WNK3: variants seen among roughly 807,000 people sequenced by gnomAD.
WNK3 encodes the protein WNK lysine deficient protein kinase 3, also known as serine/threonine-protein kinase WNK3.
In WNK3, 18 loss-of-function variants were observed where a neutral mutation model predicts 116.7. The observed-to-expected ratio is 0.15, with a 90% CI of 0.11 to 0.23. The LOEUF (loss-of-function observed/expected upper bound fraction) is 0.23, where lower values mean the gene tolerates loss of function less well. Ranked by LOEUF, WNK3 falls within the 10% of genes least tolerant of loss-of-function variation. The probability of loss-of-function intolerance (pLI) is 1.00; values close to 1 mark genes in which losing one functional copy is unlikely to be tolerated. For synonymous variants in WNK3, 404 were observed against 469.4 expected, an observed-to-expected ratio of 0.86 and a Z score of 1.80; for missense variants, 993 against 1,323.8, an observed-to-expected ratio of 0.75 and a Z score of 3.88.
intron 11 of WNK3, among the ~76,000 whole-genome samples, chrX:54,258,298 G>C (rs868979548): frequency 1.1e-5 from 1 of 93,809 alleles, no homozygotes; most frequent in Non-Finnish European, 2.1e-5. Context: ...AAAAAAAAAA[G>C]AACAAGATGA....
At chrX:54,356,313 CTTTAGTGGATTT>C (rs2069592977) in intron 1 of WNK3, among the ~76,000 whole-genome samples, 1 of 111,123 alleles carries the variant, frequency 9.0e-6, no homozygotes, top group African/African-American at 3.3e-5. Flanking sequence ...TCAAAGTCAG[CTTTAGTGGATTT>C]TTTAAGACAG....
chrX:54,231,007 T>C (rs1000010948), intron 21 of WNK3, among the ~76,000 whole-genome samples: 5 of 112,604 alleles, frequency 4.4e-5, no homozygotes, highest in Non-Finnish European at 9.4e-5. Context: ...CAGTCAAATT[T>C]TCTGTCCCTG....
exon 24 of WNK3, chrX:54,198,500 T>C (rs782504607): frequency 1.3e-5 from 16 of 1,207,585 alleles, no homozygotes; most frequent in Admixed American, 2.2e-5. Flanking sequence ...GCCACAGCAT[T>C]ATACTGACAA....
intron 1 of WNK3, among the ~76,000 whole-genome samples, chrX:54,344,269 C>T (rs1270707582): frequency 9.1e-6 from 1 of 110,009 alleles, no homozygotes; most frequent in Admixed American, 9.8e-5. Flanking sequence ...CGATGAAACC[C>T]CGTCTCTACT....
exon 2 of WNK3, chrX:54,333,448 G>C: frequency 2.5e-6 from 3 of 1,210,888 alleles, no homozygotes; most frequent in Non-Finnish European, 3.4e-6. Flanking sequence ...TCATCTTTGG[G>C]GGATGATTCG....
chrX:54,333,525 C>T, exon 2 of WNK3: 1 of 1,211,483 alleles, frequency 8.3e-7, no homozygotes, highest in Admixed American at 2.2e-5. Flanking sequence ...TACAGTTTCC[C>T]CAGAAGCAGA....
chrX:54,314,294 G>A (rs2068926117), intron 2 of WNK3, among the ~76,000 whole-genome samples: 1 of 109,608 alleles, frequency 9.1e-6, no homozygotes, highest in South Asian at 3.9e-4. Flanking sequence ...CTTTAAGTAT[G>A]ATTTTAGTAA....
chrX:54,320,245 T>C (rs1440973330), intron 2 of WNK3, among the ~76,000 whole-genome samples: 1 of 111,624 alleles, frequency 9.0e-6, no homozygotes, highest in Non-Finnish European at 1.9e-5. Flanking sequence ...ACAATACCAG[T>C]ATGACCAACC....
At chrX:54,270,380 G>A (rs1276557350) in intron 10 of WNK3, among the ~76,000 whole-genome samples, 10 of 106,987 alleles carry the variant, frequency 9.3e-5, no homozygotes, top group African/African-American at 3.4e-4. Context: ...TTACAGGCGT[G>A]AGCCACAGCG....
chrX:54,260,480 C>T (rs1293831062), intron 10 of WNK3, among the ~76,000 whole-genome samples: 3 of 111,456 alleles, frequency 2.7e-5, no homozygotes, highest in Non-Finnish European at 5.6e-5. Flanking sequence ...AGCTACTATA[C>T]AATAATATGG....
Position 54,237,556 on chromosome X carries a change from G to A in WNK3, c.4015-5C>T. On this transcript the variant is annotated splice_region_variant and splice_polypyrimidine_tract_variant and intron_variant, in intron 19 of 23. Transcript: ENST00000354646. ...CTGCTGAGGAATTGTAATCACCTGA[G>A]ATATAAAAACGTAAAAGTGGTTAGC... 8.7e-7 allele frequency: 1 copy of A among 1,152,867 alleles called. No homozygotes were observed. Among genetic ancestry groups the A allele is most frequent in the Non-Finnish European group, 1.1e-6 (1 of 877,471 alleles).
chrX:54,230,010 T>C (rs2067883274), intron 21 of WNK3, among the ~76,000 whole-genome samples: 3 of 111,862 alleles, frequency 2.7e-5, no homozygotes, highest in Admixed American at 9.6e-5. Flanking sequence ...AAAAAAAATT[T>C]GATAAAGTAT....
At chrX:54,240,527 T>C (rs1557151329) in intron 17 of WNK3, among the ~76,000 whole-genome samples, 1 of 111,870 alleles carries the variant, frequency 8.9e-6, no homozygotes, top group African/African-American at 3.3e-5. Context: ...TGGATCAAGA[T>C]GGCAAATTAA....
At chrX:54,302,930 A>ATTT (rs782315389) in intron 5 of WNK3, among the ~76,000 whole-genome samples, 28 of 81,716 alleles carry the variant, frequency 3.4e-4, no homozygotes, top group South Asian at 6.0e-4. Flanking sequence ...AACTCGGCTA[A>ATTT]TTTTTTTTTT....
At chrX:54,264,587 A>G in intron 10 of WNK3, among the ~76,000 whole-genome samples, 1 of 111,468 alleles carries the variant, frequency 9.0e-6, no homozygotes, top group Admixed American at 9.6e-5. Flanking sequence ...TACCAGCACT[A>G]CAAAGACTGA....
intron 1 of WNK3, among the ~76,000 whole-genome samples, chrX:54,338,727 C>T (rs1008768343): frequency 9.1e-6 from 1 of 110,297 alleles, no homozygotes; most frequent in South Asian, 3.9e-4. Flanking sequence ...AAGACCTGGG[C>T]GTGGTGGCTC....
intron 22 of WNK3, among the ~76,000 whole-genome samples, chrX:54,218,957 T>A (rs1557145990): frequency 1.8e-5 from 2 of 110,950 alleles, no homozygotes; most frequent in African/African-American, 3.3e-5. Context: ...AATAAAAAAA[T>A]TTAAAAAAGT....
intron 2 of WNK3, among the ~76,000 whole-genome samples, chrX:54,327,567 A>G (rs935477686): frequency 8.9e-6 from 1 of 111,948 alleles, no homozygotes; most frequent in Non-Finnish European, 1.9e-5. Context: ...AAAAAAAAGA[A>G]AAGTACCAGG....
chrX:54,277,052 G>C (rs1306675749), intron 10 of WNK3, among the ~76,000 whole-genome samples: 2 of 111,064 alleles, frequency 1.8e-5, no homozygotes, highest in Non-Finnish European at 3.8e-5. Context: ...CAGTGAGTCA[G>C]GTAATAGAGG....
Sources: allele counts gnomAD v4.1 joint callset (sites outside exome capture counted in the v4.1 genomes callset), GRCh38; gene constraint gnomAD v4.1.1; transcripts MANE v1.5; gene names NCBI Gene and HGNC (gene_info 2026-07-23, HGNC 2026-07-21).